The following CCDC60 variants were observed in gnomAD, a reference collection of about 807,000 sequenced individuals.
CCDC60 encodes coiled-coil domain-containing protein 60.
CCDC60 carries 54 observed loss-of-function variants against 63.5 expected under a neutral mutation model. That is an observed-to-expected ratio of 0.85 (90% CI 0.68 to 1.07). The LOEUF (loss-of-function observed/expected upper bound fraction) is 1.07. Ranked by LOEUF, CCDC60 falls within the 50% of genes least tolerant of loss-of-function variation. CCDC60 has a pLI of 0.00. For synonymous variants in CCDC60, 206 were observed against 238.8 expected, an observed-to-expected ratio of 0.86 and a Z score of 1.27; for missense variants, 651 against 684.3, an observed-to-expected ratio of 0.95 and a Z score of 0.54.
At chr12:119,475,421 A>C (rs2136335112) in intron 3 of CCDC60, among the ~76,000 whole-genome samples, 1 of 152,338 alleles carries the variant, frequency 6.6e-6, no homozygotes, top group African/African-American at 2.4e-5. Flanking sequence ...GAAATGATTT[A>C]TTTAAAGTTT....
intron 5 of CCDC60, among the ~76,000 whole-genome samples, chr12:119,490,236 T>G (rs969804829): frequency 2.0e-5 from 3 of 152,226 alleles, no homozygotes; most frequent in African/African-American, 7.2e-5. Flanking sequence ...CATGCATCCA[T>G]TGATAGATCA....
intron 1 of CCDC60, among the ~76,000 whole-genome samples, chr12:119,398,411 G>A (rs373565386): frequency 3.3e-5 from 5 of 152,108 alleles, no homozygotes; most frequent in Non-Finnish European, 5.9e-5. Flanking sequence ...GTTCCCACCC[G>A]TGCCTCTCCC....
At chr12:119,377,510 C>T (rs1012195315) in intron 1 of CCDC60, among the ~76,000 whole-genome samples, 5 of 152,092 alleles carry the variant, frequency 3.3e-5, no homozygotes, top group African/African-American at 1.2e-4. Context: ...TTAAAAGTAT[C>T]ATTCACCATC....
At chr12:119,536,551 A>G (rs1426236100) in intron 13 of CCDC60, among the ~76,000 whole-genome samples, 1 of 152,146 alleles carries the variant, frequency 6.6e-6, no homozygotes, top group Non-Finnish European at 1.5e-5. Flanking sequence ...AGTGGCTGGT[A>G]CCGGTTGTTC....
chr12:119,394,716 T>C (rs565524043), intron 1 of CCDC60, among the ~76,000 whole-genome samples: 4 of 152,358 alleles, frequency 2.6e-5, no homozygotes, highest in African/African-American at 9.6e-5. Flanking sequence ...TTCCAGCTGT[T>C]GCATCTCCTG....
Position 119,468,375 on chromosome 12 carries a change from C to G in CCDC60, c.171-3619C>G, listed in dbSNP as rs150710037. ...GCATTACTAAGTGATAACAGGTTAC[C>G]CACTCATTTGCTTTTGCACAATTTT... On this transcript the variant is annotated intron_variant, in intron 2 of 13. Coordinates refer to ENST00000327554, the MANE Select transcript of CCDC60 (RefSeq NM_178499.5). Among the ~76,000 whole-genome samples, 112 of 152,170 alleles carry G rather than the reference C, an allele frequency of 7.4e-4. 1 individual carries two copies. Among genetic ancestry groups the G allele is most frequent in the African/African-American group, 2.6e-3 (106 of 41,536 alleles).
At chr12:119,521,129 T>C (rs1952517375) in intron 9 of CCDC60, among the ~76,000 whole-genome samples, 1 of 152,228 alleles carries the variant, frequency 6.6e-6, no homozygotes, top group Non-Finnish European at 1.5e-5. Flanking sequence ...TGGTAATCTA[T>C]GCGTGTCTTT....
At chr12:119,488,649 G>A (rs564291180) in intron 4 of CCDC60, 110 bp from the exon 5 acceptor site, 33 of 857,848 alleles carry the variant, frequency 3.8e-5, no homozygotes, top group African/African-American at 3.7e-4. Context: ...CTGGAGCATG[G>A]TGCCTGCTCC....
chr12:119,357,666 C>A (rs1311159398), intron 1 of CCDC60, among the ~76,000 whole-genome samples: 5 of 152,158 alleles, frequency 3.3e-5, no homozygotes, highest in African/African-American at 1.2e-4. Context: ...GTTGGTCAGG[C>A]TGGTCTCAAA....
At chr12:119,396,823 G>A (rs746249974) in intron 1 of CCDC60, among the ~76,000 whole-genome samples, 14 of 152,248 alleles carry the variant, frequency 9.2e-5, no homozygotes, top group Non-Finnish European at 1.8e-4. Context: ...CCAGGCTGCA[G>A]TGAGCTGTGA....
At chr12:119,435,878 G>A (rs1024635404) in intron 2 of CCDC60, among the ~76,000 whole-genome samples, 1 of 152,172 alleles carries the variant, frequency 6.6e-6, no homozygotes, top group Non-Finnish European at 1.5e-5. Flanking sequence ...CAGGGAGGTG[G>A]TTTTGCTGAT....
chr12:119,358,117 T>A (rs1197238482), intron 1 of CCDC60, among the ~76,000 whole-genome samples: 7 of 152,072 alleles, frequency 4.6e-5, no homozygotes, highest in African/African-American at 1.7e-4. Flanking sequence ...TCATGGAGGA[T>A]CCACCTCCAC....
chr12:119,402,608 A>T (rs972601217), intron 1 of CCDC60, among the ~76,000 whole-genome samples: 2 of 152,222 alleles, frequency 1.3e-5, no homozygotes, highest in Non-Finnish European at 2.9e-5. Flanking sequence ...GCAAGGGTAA[A>T]TGGAAATAAT....
At chr12:119,367,541 G>T (rs1181885891) in intron 1 of CCDC60, among the ~76,000 whole-genome samples, 1 of 152,144 alleles carries the variant, frequency 6.6e-6, no homozygotes, top group Non-Finnish European at 1.5e-5. Context: ...AGTTATGGAG[G>T]TCTGAGTCCC....
At chr12:119,483,457 A>T (rs568576143) in intron 4 of CCDC60, among the ~76,000 whole-genome samples, 158 of 152,236 alleles carry the variant, frequency 1.0e-3, no homozygotes, top group Non-Finnish European at 1.7e-3. Context: ...GGTCTCTAGG[A>T]ATGAGAAGCA....
chr12:119,406,216 G>C (rs928142414), intron 1 of CCDC60, among the ~76,000 whole-genome samples: 6 of 151,874 alleles, frequency 4.0e-5, no homozygotes, highest in African/African-American at 1.4e-4. Flanking sequence ...GAGAGAGAGA[G>C]AGAGAGTTGG....
intron 1 of CCDC60, among the ~76,000 whole-genome samples, chr12:119,425,761 T>C (rs1956888972): frequency 6.6e-6 from 1 of 152,224 alleles, no homozygotes; most frequent in South Asian, 2.1e-4. Context: ...CTGCCTGTGC[T>C]TCTCAGAAGC....
At chr12:119,432,498 C>T (rs907589094) in intron 2 of CCDC60, among the ~76,000 whole-genome samples, 1 of 152,190 alleles carries the variant, frequency 6.6e-6, no homozygotes, top group African/African-American at 2.4e-5. Flanking sequence ...TGAGTATTAT[C>T]AGCCTTCAGG....
chr12:119,478,256 A>G (rs1358000618), intron 3 of CCDC60, among the ~76,000 whole-genome samples: 1 of 152,146 alleles, frequency 6.6e-6, no homozygotes. Context: ...CAGAGGTTGC[A>G]GTGAGCCAAG....
Sources: allele counts gnomAD v4.1 joint callset (sites outside exome capture counted in the v4.1 genomes callset), GRCh38; gene constraint gnomAD v4.1.1; transcripts MANE v1.5; gene names NCBI Gene and HGNC (gene_info 2026-07-23, HGNC 2026-07-21).